Variants in RPH3A observed in about 807,000 individuals in gnomAD.
RPH3A encodes the protein rabphilin-3A.
A neutral mutation model predicts 102.2 loss-of-function variants in RPH3A; 48 were observed. That is an observed-to-expected ratio of 0.47 (90% CI 0.37 to 0.60). The LOEUF (loss-of-function observed/expected upper bound fraction) is 0.60. Among genes scored for constraint, RPH3A ranks in the 20% least tolerant of loss-of-function variants. The pLI is 0.00. For missense variants in RPH3A, 781 were observed against 910.1 expected (o/e 0.86, Z 1.83); for synonymous variants, 310 against 324.3 (o/e 0.96, Z 0.47).
At chr12:112,713,116 G>A (rs1284094365) in intron 1 of RPH3A, among the ~76,000 whole-genome samples, 3 of 128,362 alleles carry the variant, frequency 2.3e-5, no homozygotes, top group Non-Finnish European at 4.8e-5. Flanking sequence ...TTTTTTTGTA[G>A]AGAAAGGGTC....
chr12:112,734,733 T>C (rs529391969), intron 1 of RPH3A, among the ~76,000 whole-genome samples: 14 of 152,332 alleles, frequency 9.2e-5, no homozygotes, highest in African/African-American at 3.4e-4. Flanking sequence ...CTCTCCTTTT[T>C]AGACCATATA....
At position 112,876,708 on chromosome 12, in the gene RPH3A, G is replaced by T. The variant is rs758776054; in HGVS notation, c.1013G>T (p.Gly338Val). 1 of 1,613,394 alleles carries T rather than the reference G, an allele frequency of 6.2e-7. No individual in the cohort carries two copies. Among genetic ancestry groups the T allele is most frequent in the African/African-American group, 1.3e-5 (1 of 74,848 alleles). ...GAGGAGAGAACAGGGGGAGTCGGGG[G>T]CTACCCAGCAGTTGGAGCCAGAGAG... is the stretch of plus-strand genomic sequence containing the variant. Reference protein sequence around the residue: ...PREERTGGVGGYPAVGAREDR... With the variant: ...PREERTGGVGVYPAVGAREDR... The change falls in exon 13 of 22, where the codon GGC (glycine) becomes GTC (valine). Residue 338 changes from glycine (G) to valine (V), a missense_variant. By Grantham distance (109) the Gly-to-Val change is moderately radical (BLOSUM62 -3). Transcript: ENST00000389385.
intron 1 of RPH3A, among the ~76,000 whole-genome samples, chr12:112,614,163 G>A (rs1330889103): frequency 1.3e-5 from 2 of 152,080 alleles, no homozygotes; most frequent in Non-Finnish European, 2.9e-5. Context: ...AACTGATTTT[G>A]GACTTCTGAC....
intron 5 of RPH3A, among the ~76,000 whole-genome samples, chr12:112,864,145 G>C (rs1755259798): frequency 3.9e-5 from 6 of 152,210 alleles, no homozygotes; most frequent in Admixed American, 3.9e-4. Flanking sequence ...AAGAGGGAGT[G>C]CTATTCTAAA....
chr12:112,676,821 T>C (rs2040178273), intron 1 of RPH3A, among the ~76,000 whole-genome samples: 1 of 152,202 alleles, frequency 6.6e-6, no homozygotes, highest in South Asian at 2.1e-4. Flanking sequence ...GGCATTCCTG[T>C]GAGCTCTTCT....
rs147608961 is a variant in RPH3A at position 112,784,489 on chromosome 12, G to C, written c.-139-7654G>C. 2.6e-3 allele frequency among the ~76,000 whole-genome samples: 399 copies of C among 152,292 alleles called. 1 individual carries two copies. The highest frequency in any genetic ancestry group is 8.9e-3 in the African/African-American group (369 of 41,562). The stretch of plus-strand genomic sequence containing the variant: ...TGAACTATGGTCGTATCTCATTTAT[G>C]GTAACTAAACATGCAATTTGGGATG... On this transcript the variant is annotated intron_variant, in intron 1 of 21. Coordinates refer to the RPH3A transcript ENST00000543106.
intron 1 of RPH3A, among the ~76,000 whole-genome samples, chr12:112,603,510 T>C (rs1029076408): frequency 6.6e-6 from 1 of 152,114 alleles, no homozygotes; most frequent in African/African-American, 2.4e-5. Flanking sequence ...GGTATAATGC[T>C]TGTATATACA....
intron 2 of RPH3A, among the ~76,000 whole-genome samples, chr12:112,811,535 C>CG (rs1023747235): frequency 1.5e-4 from 23 of 149,552 alleles, no homozygotes; most frequent in Admixed American, 6.0e-4. Context: ...AGAACCCCCC[C>CG]CCCAAAAAAA....
chr12:112,887,772 C>G lies in RPH3A; in HGVS notation c.1437-25C>G, dbSNP rs376638629. ...TCTTAATATTTGTTCCTGTTTCTCT[C>G]TCTACCCCCTTGTGTTGGTGGCAGG... On this transcript the variant is annotated intron_variant, in intron 16 of 21. Transcript: ENST00000389385. 3.7e-6 allele frequency: 6 copies of G among 1,611,106 alleles called. 1 individual carries two copies. The South Asian group carries it at 4.4e-5, about 12-fold the overall frequency.
At chr12:112,821,876 A>T (rs372903217) in intron 2 of RPH3A, among the ~76,000 whole-genome samples, 3 of 152,178 alleles carry the variant, frequency 2.0e-5, no homozygotes, top group East Asian at 3.8e-4. Flanking sequence ...AATGTTCCAT[A>T]AATATTTTTT....
intron 1 of RPH3A, among the ~76,000 whole-genome samples, chr12:112,677,456 TC>T (rs2040187423): frequency 7.3e-6 from 1 of 137,416 alleles, no homozygotes; most frequent in Admixed American, 7.3e-5. Flanking sequence ...CTTCCTTCCT[TC>T]CTTCCTTCCT....
At chr12:112,895,733 G>A (rs1411978151) in intron 20 of RPH3A, 44 bp from the exon 21 acceptor site, 2 of 1,419,864 alleles carry the variant, frequency 1.4e-6, no homozygotes, top group Non-Finnish European at 2.0e-6. Flanking sequence ...AATGCTGTGG[G>A]TTCAGAGGGC....
chr12:112,684,302 A>G (rs1024223042), intron 1 of RPH3A, among the ~76,000 whole-genome samples: 1 of 152,166 alleles, frequency 6.6e-6, no homozygotes. Flanking sequence ...TCTGTCACCC[A>G]CACTGGAGTG....
intron 1 of RPH3A, among the ~76,000 whole-genome samples, chr12:112,597,036 C>T (rs1253436168): frequency 6.6e-6 from 1 of 152,046 alleles, no homozygotes; most frequent in African/African-American, 2.4e-5. Context: ...TGCAGTATAC[C>T]AACAGAAGGA....
intron 5 of RPH3A, among the ~76,000 whole-genome samples, chr12:112,856,239 C>T (rs547674685): frequency 5.9e-5 from 9 of 152,196 alleles, no homozygotes; most frequent in Non-Finnish European, 8.8e-5. Flanking sequence ...TTCCTCGACA[C>T]GCATCAAGAT....
chr12:112,603,741 A>G (rs865964552), intron 1 of RPH3A, among the ~76,000 whole-genome samples: 14 of 152,166 alleles, frequency 9.2e-5, no homozygotes, highest in Non-Finnish European at 1.8e-4. Context: ...ATAAACATCT[A>G]CATGCTAGAA....
At chr12:112,742,860 C>T (rs780602413) in intron 1 of RPH3A, among the ~76,000 whole-genome samples, 4 of 152,156 alleles carry the variant, frequency 2.6e-5, no homozygotes, top group Non-Finnish European at 5.9e-5. Context: ...GAATGGGCCT[C>T]AAAGGGCTAA....
intron 1 of RPH3A, among the ~76,000 whole-genome samples, chr12:112,612,690 G>A (rs993208785): frequency 6.7e-6 from 1 of 150,226 alleles, no homozygotes; most frequent in Non-Finnish European, 1.5e-5. Context: ...CCAGCCTCCT[G>A]AGCAGCTGGG....
intron 2 of RPH3A, among the ~76,000 whole-genome samples, chr12:112,812,715 T>G (rs940577100): frequency 1.3e-5 from 2 of 152,088 alleles, no homozygotes; most frequent in African/African-American, 2.4e-5. Context: ...CTCCCTCACA[T>G]ACACACAAAA....
Sources: allele counts gnomAD v4.1 joint callset (sites outside exome capture counted in the v4.1 genomes callset), GRCh38; gene constraint gnomAD v4.1.1; transcripts MANE v1.5; gene names NCBI Gene and HGNC (gene_info 2026-07-23, HGNC 2026-07-21).